The following MIPOL1 variants were observed in gnomAD, a reference collection of about 807,000 sequenced individuals.
MIPOL1 encodes the protein mirror-image polydactyly gene 1 protein.
MIPOL1 carries 57 observed loss-of-function variants against 60.9 expected under a neutral mutation model. The ratio of observed to expected loss-of-function variants is 0.94; its 90% CI spans 0.76 to 1.17. The LOEUF is 1.17. Ranked by LOEUF, MIPOL1 falls within the 50% of genes most tolerant of loss-of-function variation. The pLI, the probability that MIPOL1 is intolerant of heterozygous loss-of-function variation, is 0.00. For missense variants in MIPOL1, 551 were observed against 511.6 expected (o/e 1.08, Z -0.74); for synonymous variants, 179 against 168.8 (o/e 1.06, Z -0.47).
At chr14:37,257,975 A>G (rs193130129) in intron 3 of MIPOL1, among the ~76,000 whole-genome samples, 2 of 152,218 alleles carry the variant, frequency 1.3e-5, no homozygotes, top group East Asian at 3.9e-4. Flanking sequence ...CTTTTGAAAA[A>G]TTGGCTTGGC....
At chr14:37,355,288 A>G (rs2091721919) in intron 9 of MIPOL1, among the ~76,000 whole-genome samples, 1 of 120,816 alleles carries the variant, frequency 8.3e-6, no homozygotes, top group Non-Finnish European at 1.8e-5. Flanking sequence ...TGTTAGTCTG[A>G]TGGGCTTCCC....
intron 9 of MIPOL1, among the ~76,000 whole-genome samples, chr14:37,309,818 C>T (rs2087144684): frequency 6.6e-6 from 1 of 151,870 alleles, no homozygotes; most frequent in Non-Finnish European, 1.5e-5. Flanking sequence ...TCCTGAGTAG[C>T]TGGGACTACA....
At chr14:37,234,862 G>A (rs1594640660) in intron 1 of MIPOL1, among the ~76,000 whole-genome samples, 1 of 150,764 alleles carries the variant, frequency 6.6e-6, no homozygotes. Flanking sequence ...TGCAAACTCC[G>A]CCTCATGGGT....
At chr14:37,380,640 A>G (rs1356764282) in intron 10 of MIPOL1, among the ~76,000 whole-genome samples, 1 of 152,160 alleles carries the variant, frequency 6.6e-6, no homozygotes, top group Admixed American at 6.6e-5. Flanking sequence ...AATACTTATG[A>G]TACTTGCATA....
chr14:37,321,978 C>T (rs1340353091), intron 9 of MIPOL1, among the ~76,000 whole-genome samples: 5 of 151,778 alleles, frequency 3.3e-5, no homozygotes, highest in East Asian at 3.9e-4. Context: ...TTACAGTGAA[C>T]GTTTATATAT....
intron 9 of MIPOL1, among the ~76,000 whole-genome samples, chr14:37,357,066 C>T (rs559302782): frequency 6.6e-6 from 1 of 152,306 alleles, no homozygotes; most frequent in East Asian, 1.9e-4. Flanking sequence ...CTGCAACAAA[C>T]ATGGAGGTGC....
chr14:37,550,495 C>CATATATATATATATAT lies in MIPOL1; in HGVS notation c.*3528_*3543dup, dbSNP rs3062723. On this transcript the variant is annotated 3_prime_UTR_variant, in exon 13 of 13. Coordinates refer to ENST00000684589, the MANE Select transcript of MIPOL1 (RefSeq NM_001388067.1). Reference sequence around the variant, plus strand: ...AGCTAACCTATCTATTCATATTTTACATATATATATATATATATACATGCA... The same window carrying CATATATATATATATAT: ...AGCTAACCTATCTATTCATATTTTACATATATATATATATATATATATATATATATATATACATGCA... 7.5e-5 allele frequency: 11 copies of CATATATATATATATAT among 145,752 alleles called. No individual in the cohort carries two copies. Among genetic ancestry groups the CATATATATATATATAT allele is most frequent in the African/African-American group, 2.5e-4 (10 of 39,668 alleles). The allele number at this position is 145,752 out of a possible 1,614,324, so 9.0% of individuals were successfully genotyped here. A position where few individuals can be genotyped will look rare whatever the true frequency, so the allele number is the denominator to read the frequency against.
intron 10 of MIPOL1, among the ~76,000 whole-genome samples, chr14:37,381,722 A>G (rs2092929900): frequency 6.6e-6 from 1 of 151,430 alleles, no homozygotes; most frequent in Admixed American, 6.6e-5. Context: ...AGTTGACACT[A>G]TAGGCACACA....
intron 12 of MIPOL1, chr14:37,502,128 A>G (rs1297624216): frequency 6.6e-6 from 1 of 152,312 alleles, no homozygotes; most frequent in Non-Finnish European, 1.5e-5. Flanking sequence ...GCAGCTCAGC[A>G]AGGCCTACTG....
chr14:37,221,773 T>G (rs1189830144), intron 1 of MIPOL1, among the ~76,000 whole-genome samples: 1 of 152,188 alleles, frequency 6.6e-6, no homozygotes, highest in South Asian at 2.1e-4. Flanking sequence ...GGATTACAGT[T>G]GCACGTAAGA....
At chr14:37,281,175 C>T (rs1288248078) in intron 6 of MIPOL1, among the ~76,000 whole-genome samples, 1 of 152,104 alleles carries the variant, frequency 6.6e-6, no homozygotes, top group Non-Finnish European at 1.5e-5. Context: ...GCATTTTAAA[C>T]TGATTCTTGA....
At chr14:37,508,541 T>G (rs2095300029) in intron 12 of MIPOL1, among the ~76,000 whole-genome samples, 1 of 152,180 alleles carries the variant, frequency 6.6e-6, no homozygotes, top group Non-Finnish European at 1.5e-5. Context: ...CAATATAGCA[T>G]AATGGTTTAA....
At chr14:37,214,908 A>T (rs997905482) in intron 1 of MIPOL1, among the ~76,000 whole-genome samples, 5 of 151,950 alleles carry the variant, frequency 3.3e-5, no homozygotes, top group Admixed American at 3.3e-4. Flanking sequence ...AGTTTAGAGA[A>T]GACTACTCCA....
chr14:37,269,868 C>T (rs1403383501), intron 5 of MIPOL1, among the ~76,000 whole-genome samples: 3 of 152,060 alleles, frequency 2.0e-5, no homozygotes. Context: ...ACTCTTGTTG[C>T]CCAGGCTGGA....
intron 11 of MIPOL1, among the ~76,000 whole-genome samples, chr14:37,479,343 G>C (rs545161795): frequency 6.6e-6 from 1 of 152,072 alleles, no homozygotes; most frequent in African/African-American, 2.4e-5. Flanking sequence ...ATCATATCAA[G>C]TATTTTTTTG....
At chr14:37,523,457 A>G in intron 12 of MIPOL1, 1 of 393,214 alleles carries the variant, frequency 2.5e-6, no homozygotes, top group Non-Finnish European at 4.5e-6. Flanking sequence ...TAAATATTAG[A>G]GTTTTTTTTT....
At chr14:37,274,878 C>G (rs1406868763) in intron 6 of MIPOL1, among the ~76,000 whole-genome samples, 1 of 151,184 alleles carries the variant, frequency 6.6e-6, no homozygotes, top group Non-Finnish European at 1.5e-5. Flanking sequence ...AGAGGACATA[C>G]TCAAAGTGTT....
At chr14:37,372,762 A>AAC (rs2092675425) in intron 10 of MIPOL1, among the ~76,000 whole-genome samples, 1 of 149,336 alleles carries the variant, frequency 6.7e-6, no homozygotes, top group East Asian at 2.0e-4. Flanking sequence ...CTCAAAAAAA[A>AAC]AAAAAAAAAT....
Position 37,543,523 on chromosome 14 carries a change from C to T in MIPOL1, c.1263-3382C>T, listed in dbSNP as rs529454865. Reference sequence around the variant, plus strand: ...AACTCCTGGCCTCAAGTGATCTGCCCGTCTCGGCCTCCCAAAGTGATGGGA... The same window carrying T: ...AACTCCTGGCCTCAAGTGATCTGCCTGTCTCGGCCTCCCAAAGTGATGGGA... On this transcript the variant is annotated intron_variant, in intron 12 of 12. Coordinates refer to ENST00000684589, the MANE Select transcript of MIPOL1 (RefSeq NM_001388067.1). 1.5e-4 allele frequency among the ~76,000 whole-genome samples: 23 copies of T among 152,186 alleles called. No individual in the cohort carries two copies. The South Asian group carries it at 4.6e-3, about 30-fold the overall frequency.
Sources: gnomAD v4.1 joint callset for allele counts (sites outside exome capture counted in the v4.1 genomes callset) on GRCh38, gnomAD v4.1.1 for gene constraint, MANE v1.5 for transcripts, NCBI Gene and HGNC (gene_info 2026-07-23, HGNC 2026-07-21) for gene names.